Variants in AFAP1L2 observed in about 807,000 individuals in gnomAD.
AFAP1L2 encodes actin filament-associated protein 1-like 2.
A neutral mutation model predicts 99.3 loss-of-function variants in AFAP1L2; 46 were observed. That is an observed-to-expected ratio of 0.46 (90% CI 0.37 to 0.59). The LOEUF (loss-of-function observed/expected upper bound fraction) is 0.59. AFAP1L2 is among the 20% of genes least tolerant of loss of function. The pLI is 0.00. For synonymous variants in AFAP1L2, 397 were observed against 419.1 expected (o/e 0.95, Z 0.64); for missense variants, 959 against 1,034.9 (o/e 0.93, Z 1.01).
chr10:114,289,495 T>G, the AFAP1L2 span: 3 of 1,613,654 alleles, frequency 1.9e-6, no homozygotes, highest in Non-Finnish European at 2.5e-6. Flanking sequence ...TGGAGGTGAG[T>G]GGGGGAATCC....
At chr10:114,297,866 T>C (rs2040506316) in intron 16 of AFAP1L2, among the ~76,000 whole-genome samples, 1 of 152,128 alleles carries the variant, frequency 6.6e-6, no homozygotes, top group Non-Finnish European at 1.5e-5. Context: ...CCTGGACCTC[T>C]TGGGTTGATG....
chr10:114,291,101 T>G, downstream of AFAP1L2: 1 of 1,211,892 alleles, frequency 8.3e-7, no homozygotes, highest in Non-Finnish European at 1.2e-6. Flanking sequence ...CATCTTCTGC[T>G]GGGGGCGAGG....
At chr10:114,310,959 A>ACCCCCCCCC (rs138424456) in intron 7 of AFAP1L2, among the ~76,000 whole-genome samples, 1 of 96,914 alleles carries the variant, frequency 1.0e-5, no homozygotes, top group African/African-American at 3.9e-5. Flanking sequence ...GCCGCCACCC[A>ACCCCCCCCC]CCCGCCCGCC....
intron 1 of AFAP1L2, among the ~76,000 whole-genome samples, chr10:114,343,670 A>G (rs777129832): frequency 1.3e-5 from 2 of 152,216 alleles, no homozygotes; most frequent in Non-Finnish European, 2.9e-5. Context: ...CAGCAGACAG[A>G]GAAGCATCGG....
At chr10:114,347,853 A>G (rs1344014956) in intron 1 of AFAP1L2, among the ~76,000 whole-genome samples, 5 of 152,106 alleles carry the variant, frequency 3.3e-5, no homozygotes, top group Non-Finnish European at 7.4e-5. Context: ...TACTTTAACC[A>G]TCTTAAAGTT....
intron 6 of AFAP1L2, among the ~76,000 whole-genome samples, chr10:114,314,591 G>T (rs1431850062): frequency 6.6e-6 from 1 of 152,218 alleles, no homozygotes; most frequent in Non-Finnish European, 1.5e-5. Context: ...GGGTTACAGG[G>T]TTGCTTAAAA....
intron 1 of AFAP1L2, among the ~76,000 whole-genome samples, chr10:114,379,176 G>A (rs1017482946): frequency 1.3e-5 from 2 of 150,836 alleles, no homozygotes; most frequent in African/African-American, 4.9e-5. Context: ...TCGCACCACT[G>A]CACTCCAGCC....
At position 114,386,559 on chromosome 10, in the gene AFAP1L2, C is replaced by T. The variant is rs954982094; in HGVS notation, c.16+17881G>A. 5.4e-5 allele frequency among the ~76,000 whole-genome samples: 8 copies of T among 149,082 alleles called. No individual in the cohort carries two copies. The East Asian group carries it at 5.8e-4, about 11-fold the overall frequency. On this transcript the variant is annotated intron_variant, in intron 1 of 18. Coordinates refer to ENST00000304129, the MANE Select transcript of AFAP1L2 (RefSeq NM_001001936.3). Reference sequence around the variant, plus strand: ...TCAGGGCCGACAGGTGGGGGCTCTTCCCCCGGCAGAGATGGTGCTAGAAGT... The same window carrying T: ...TCAGGGCCGACAGGTGGGGGCTCTTTCCCCGGCAGAGATGGTGCTAGAAGT...
the AFAP1L2 span, among the ~76,000 whole-genome samples, chr10:114,287,401 G>A: frequency 7.9e-5 from 12 of 151,978 alleles, no homozygotes; most frequent in East Asian, 9.7e-4. Context: ...GGCTGGTCTC[G>A]AACTCCTGGG....
At chr10:114,369,470 C>T (rs919248339) in intron 1 of AFAP1L2, among the ~76,000 whole-genome samples, 2 of 151,862 alleles carry the variant, frequency 1.3e-5, no homozygotes, top group African/African-American at 4.8e-5. Flanking sequence ...TGGCGGGCGC[C>T]TGTAGTCCCA....
chr10:114,365,276 C>A (rs2053055499), intron 1 of AFAP1L2, among the ~76,000 whole-genome samples: 1 of 152,120 alleles, frequency 6.6e-6, no homozygotes, highest in African/African-American at 2.4e-5. Flanking sequence ...AAGGAACCCC[C>A]AGGCATACGC....
intron 4 of AFAP1L2, among the ~76,000 whole-genome samples, chr10:114,325,446 C>T (rs1391945754): frequency 6.6e-6 from 1 of 152,224 alleles, no homozygotes; most frequent in East Asian, 1.9e-4. Context: ...AGCCTGGGTC[C>T]AGCACCAGAT....
chr10:114,364,258 C>T (rs772242318), intron 1 of AFAP1L2, among the ~76,000 whole-genome samples: 1 of 152,150 alleles, frequency 6.6e-6, no homozygotes, highest in Non-Finnish European at 1.5e-5. Context: ...ATCCTGGGGG[C>T]CTGTATCCAT....
Position 114,300,609 on chromosome 10 carries a change from G to A in AFAP1L2, c.1624C>T (p.Pro542Ser). The change falls in exon 14 of 19, where the codon CCT becomes TCT. Residue 542 changes from proline to serine, a missense_variant. Physicochemically the swap from Pro to Ser is moderately conservative, Grantham distance 74 (BLOSUM62 -1). This residue lies in a region of AFAP1L2 where 576 missense variants were observed against 562.1 expected (regional missense o/e 1.02). Coordinates refer to ENST00000304129, the MANE Select transcript of AFAP1L2 (RefSeq NM_001001936.3). The part of the protein sequence containing the change: ...ESDRVYLDLT[P>S]VKSFLHGPSS... Reference sequence around the variant, plus strand: ...GGGCCATGCAGAAAGGACTTGACAGGTGTGAGGTCCAGGTACACTCGGTCA... The same window carrying A: ...GGGCCATGCAGAAAGGACTTGACAGATGTGAGGTCCAGGTACACTCGGTCA... The A allele has an allele frequency of 6.2e-7, 1 of 1,614,122 alleles. No individual in the cohort carries two copies. The highest frequency in any genetic ancestry group is 8.5e-7 in the Non-Finnish European group (1 of 1,180,008).
Position 114,300,274 on chromosome 10 carries a change from G to A in AFAP1L2, c.1877C>T (p.Pro626Leu), listed in dbSNP as rs756149236. The A allele has an allele frequency of 1.6e-5, 26 of 1,614,038 alleles. 1 individual carries two copies. Among genetic ancestry groups the A allele is most frequent in the African/African-American group, 9.3e-5 (7 of 74,930 alleles). The change falls in exon 15 of 19, where the codon CCG becomes CTG. Residue 626 changes from proline to leucine, a missense_variant. Around this residue, in one of 2 missense-constraint regions of AFAP1L2, gnomAD observed 576 missense variants for 562.1 expected, o/e 1.02. Transcript: ENST00000304129. ...QTEQQRISFP[P>L]SCPDAVVATP... ...GGCCACCACGGCATCCGGGCAGCTC[G>A]GTGGGAAGGAGATTCTCTGCTGTTC...
intron 1 of AFAP1L2, among the ~76,000 whole-genome samples, chr10:114,375,910 T>C (rs1162425055): frequency 3.9e-5 from 6 of 152,134 alleles, no homozygotes; most frequent in African/African-American, 1.4e-4. Context: ...CAGTGAGCTA[T>C]AATCACACCA....
intron 1 of AFAP1L2, among the ~76,000 whole-genome samples, chr10:114,367,500 T>C (rs555943781): frequency 6.6e-6 from 1 of 152,286 alleles, no homozygotes; most frequent in South Asian, 2.1e-4. Flanking sequence ...ATACAGGATG[T>C]GGTCGTGGGC....
intron 1 of AFAP1L2, among the ~76,000 whole-genome samples, chr10:114,381,915 C>T (rs115876679): frequency 0.011 from 1,702 of 152,108 alleles, 29 homozygotes; most frequent in African/African-American, 0.039. Flanking sequence ...GAAAGATGTT[C>T]CATTTCACTC....
At position 114,368,680 on chromosome 10, in the gene AFAP1L2, G is replaced by C. The variant is rs181701008; in HGVS notation, c.17-27949C>G. 1.7e-3 allele frequency among the ~76,000 whole-genome samples: 251 copies of C among 151,964 alleles called. 3 individuals carry two copies. The highest frequency in any genetic ancestry group is 6.8e-3 in the Middle Eastern group (2 of 294). On this transcript the variant is annotated intron_variant, in intron 1 of 18. Coordinates refer to ENST00000304129, the MANE Select transcript of AFAP1L2 (RefSeq NM_001001936.3). ...TCCACCCTCCTCCGCCTCCCAAAGT[G>C]CTGGGATTGCAGGCATGAACCACCA... is the stretch of plus-strand genomic sequence containing the variant.
Sources: gnomAD v4.1 joint callset for allele counts (sites outside exome capture counted in the v4.1 genomes callset) on GRCh38, gnomAD v4.1.1 for gene constraint, gnomAD v4.1.1 regional missense constraint, MANE v1.5 for transcripts, NCBI Gene and HGNC (gene_info 2026-07-23, HGNC 2026-07-21) for gene names.